The following NRG1 variants were observed in gnomAD, a reference collection of about 807,000 sequenced individuals.
NRG1 encodes the protein pro-neuregulin-1, membrane-bound isoform.
A neutral mutation model predicts 63.8 loss-of-function variants in NRG1; 18 were observed. The observed-to-expected ratio is 0.28, with a 90% CI of 0.19 to 0.42. The LOEUF (loss-of-function observed/expected upper bound fraction) is 0.42. Ranked by LOEUF, NRG1 falls within the 10% of genes least tolerant of loss-of-function variation. The pLI, the probability that NRG1 is intolerant of heterozygous loss-of-function variation, is 1.00. For missense variants in NRG1, 762 were observed against 814.7 expected, an observed-to-expected ratio of 0.94 and a Z score of 0.79; for synonymous variants, 302 against 301.3, an observed-to-expected ratio of 1.00 and a Z score of -0.02.
intron 1 of NRG1, among the ~76,000 whole-genome samples, chr8:31,810,082 A>G (rs1029836957): frequency 5.3e-5 from 8 of 151,940 alleles, no homozygotes; most frequent in Non-Finnish European, 2.9e-5. Flanking sequence ...TCATCCTGAT[A>G]CCTTTCTTGT....
intron 1 of NRG1, among the ~76,000 whole-genome samples, chr8:32,382,851 C>T (rs1810519053): frequency 6.6e-6 from 1 of 152,018 alleles, no homozygotes; most frequent in Admixed American, 6.6e-5. Flanking sequence ...GGTCAAATAA[C>T]CCACTTCCCT....
chr8:32,248,995 A>C (rs1477232418), intron 1 of NRG1, among the ~76,000 whole-genome samples: 3 of 152,028 alleles, frequency 2.0e-5, no homozygotes, highest in African/African-American at 7.2e-5. Context: ...CTACAGTAAA[A>C]GTGTTTAAGG....
intron 1 of NRG1, among the ~76,000 whole-genome samples, chr8:31,646,239 A>G (rs1438655878): frequency 6.6e-6 from 1 of 152,330 alleles, no homozygotes; most frequent in East Asian, 1.9e-4. Flanking sequence ...GCTTGCTGGG[A>G]ACAAGAAAAC....
At chr8:32,209,712 C>CCCTTCCTTCCTT (rs200085311) in intron 1 of NRG1, among the ~76,000 whole-genome samples, 1,443 of 131,920 alleles carry the variant, frequency 0.011, 18 homozygotes, top group East Asian at 0.023. Context: ...TTCTCTCTTT[C>CCCTTCCTTCCTT]CCTTCCTTCC....
chr8:32,305,538 C>T (rs1012565384), intron 1 of NRG1, among the ~76,000 whole-genome samples: 2 of 152,168 alleles, frequency 1.3e-5, no homozygotes, highest in Non-Finnish European at 2.9e-5. Context: ...AAATAAGTGA[C>T]AGGAAGGATT....
At chr8:32,148,417 G>T (rs1404706789) in intron 1 of NRG1, among the ~76,000 whole-genome samples, 9 of 152,012 alleles carry the variant, frequency 5.9e-5, no homozygotes, top group Non-Finnish European at 7.4e-5. Flanking sequence ...TTTCTTTTTT[G>T]AGACGGAGTC....
At chr8:32,548,461 T>C (rs7820838) in exon 1 of NRG1, 912,002 of 1,170,154 alleles carry the variant, frequency 0.78, 356,018 homozygotes, top group Admixed American at 0.87. Context: ...CCGCCAGCGG[T>C]GGGACCCATC....
At chr8:31,668,171 A>G (rs1806744398) in intron 1 of NRG1, among the ~76,000 whole-genome samples, 1 of 152,238 alleles carries the variant, frequency 6.6e-6, no homozygotes, top group Non-Finnish European at 1.5e-5. Context: ...TGTAATTTTC[A>G]AAATTACAAG....
At chr8:31,971,654 G>A (rs973672216) in intron 1 of NRG1, among the ~76,000 whole-genome samples, 2 of 151,834 alleles carry the variant, frequency 1.3e-5, no homozygotes, top group African/African-American at 4.8e-5. Flanking sequence ...TTATCATTGA[G>A]ATTCACCATG....
intron 1 of NRG1, among the ~76,000 whole-genome samples, chr8:31,682,062 A>G (rs1808394830): frequency 6.6e-6 from 1 of 152,094 alleles, no homozygotes; most frequent in African/African-American, 2.4e-5. Flanking sequence ...GTAGATTCCT[A>G]TAGAAGAGTT....
chr8:32,653,160 A>C (rs1794585875), intron 5 of NRG1, among the ~76,000 whole-genome samples: 1 of 148,012 alleles, frequency 6.8e-6, no homozygotes, highest in South Asian at 2.1e-4. Context: ...TTTGTTTTTC[A>C]TTCAGTGAAT....
intron 1 of NRG1, among the ~76,000 whole-genome samples, chr8:32,421,641 G>C (rs781768818): frequency 2.6e-5 from 4 of 152,140 alleles, no homozygotes; most frequent in Non-Finnish European, 1.5e-5. Context: ...CTTTAGAGTA[G>C]CTAATGCAGT....
intron 5 of NRG1, among the ~76,000 whole-genome samples, chr8:32,675,144 G>C (rs965854012): frequency 6.6e-6 from 1 of 152,124 alleles, no homozygotes; most frequent in Non-Finnish European, 1.5e-5. Flanking sequence ...GCCATAAAAA[G>C]AGCAAGATCA....
At chr8:31,642,979 AGTG>A (rs1375418053) in intron 1 of NRG1, among the ~76,000 whole-genome samples, 2 of 150,968 alleles carry the variant, frequency 1.3e-5, no homozygotes, top group Non-Finnish European at 3.0e-5. Flanking sequence ...TGAGTGTAAA[AGTG>A]TGTGTGTGTG....
At chr8:31,969,399 AAGCCATTT>A (rs1806906207) in intron 1 of NRG1, among the ~76,000 whole-genome samples, 1 of 152,172 alleles carries the variant, frequency 6.6e-6, no homozygotes, top group Non-Finnish European at 1.5e-5. Flanking sequence ...TTATTGATGT[AAGCCATTT>A]CATAACCCTG....
chr8:32,281,309 T>C (rs534721278), intron 1 of NRG1, among the ~76,000 whole-genome samples: 2 of 150,974 alleles, frequency 1.3e-5, no homozygotes, highest in East Asian at 2.0e-4. Flanking sequence ...TCCTGAGTAG[T>C]TGGGATGACA....
At chr8:31,722,437 C>T (rs569239286) in intron 1 of NRG1, among the ~76,000 whole-genome samples, 240 of 152,172 alleles carry the variant, frequency 1.6e-3, no homozygotes, top group Middle Eastern at 0.014. Flanking sequence ...TGTTCACTGT[C>T]CTTCCACGGT....
chr8:32,596,733 G>A (rs369058145), intron 2 of NRG1, among the ~76,000 whole-genome samples: 5 of 152,060 alleles, frequency 3.3e-5, no homozygotes, highest in African/African-American at 1.2e-4. Context: ...GGAAAGAATT[G>A]GAATGTAACC....
rs10555336 is a variant in NRG1 at position 32,141,521 on chromosome 8, A to AGTGT, written c.38-454286_38-454283dup. ...GCATTTGTCAGATGTGAGATAGTTA[A>AGTGT]GTGTGTGTGTGTGTGTGTGTGTGTA... On this transcript the variant is annotated intron_variant, in intron 1 of 10. Transcript: ENST00000519301. Among the ~76,000 whole-genome samples the AGTGT allele has an allele frequency of 3.7e-4, 48 of 129,960 alleles. No individual in the cohort carries two copies. The East Asian group carries it at 4.1e-3, about 11-fold the overall frequency. The allele number at this position is 129,960 out of a possible 152,430, so 85.3% of individuals were successfully genotyped here.
Sources: allele counts gnomAD v4.1 joint callset (sites outside exome capture counted in the v4.1 genomes callset), GRCh38; gene constraint gnomAD v4.1.1; transcripts MANE v1.5; gene names NCBI Gene and HGNC (gene_info 2026-07-23, HGNC 2026-07-21).